ADAM18: variants seen among roughly 807,000 people sequenced by gnomAD.
ADAM18 encodes the protein ADAM metallopeptidase domain 18, also known as disintegrin and metalloproteinase domain-containing protein 18.
A neutral mutation model predicts 94.4 loss-of-function variants in ADAM18; 117 were observed. That is an observed-to-expected ratio of 1.24 (90% confidence interval 1.07 to 1.45). The LOEUF (loss-of-function observed/expected upper bound fraction) is 1.45. Among genes scored for constraint, ADAM18 ranks in the 40% most tolerant of loss-of-function variants. The probability of loss-of-function intolerance (pLI) is 0.00; values close to 1 mark genes in which losing one functional copy is unlikely to be tolerated. For synonymous variants in ADAM18, 327 were observed against 291.6 expected (o/e 1.12, Z -1.24); for missense variants, 936 against 880.0 (o/e 1.06, Z -0.81).
Position 39,648,472 on chromosome 8 carries a change from T to C in ADAM18, c.1175T>C (p.Val392Ala). The C allele has an allele frequency of 6.2e-7, 1 of 1,612,838 alleles. No homozygotes were observed. Among genetic ancestry groups the C allele is most frequent in the Non-Finnish European group, 8.5e-7 (1 of 1,179,434 alleles). Residue 392 changes from valine to alanine, a missense_variant, in exon 12 of 20, where the codon GTG becomes GCG. Physicochemically the swap from Val to Ala is moderately conservative, Grantham distance 64. Coordinates refer to ENST00000265707, the MANE Select transcript of ADAM18 (RefSeq NM_014237.3). ...CAACCATTACATCAAAATCAACCAG[T>C]GTGTGGTAATGGGATTTTGGAATCC... is the stretch of plus-strand genomic sequence containing the variant. The part of the protein sequence containing the change: ...NLQPLHQNQP[V>A]CGNGILESNE...
intron 12 of ADAM18, among the ~76,000 whole-genome samples, chr8:39,651,918 A>G (rs374759803): frequency 1.2e-4 from 17 of 147,578 alleles, no homozygotes; most frequent in East Asian, 5.9e-4. Context: ...TCAATGAAAC[A>G]AAGAGCCCAA....
At chr8:39,677,367 G>A in intron 14 of ADAM18, 64 bp from the exon 15 acceptor site, 1 of 1,330,034 alleles carries the variant, frequency 7.5e-7, no homozygotes. Context: ...TCCTTAGTCT[G>A]TTACTGACAA....
At chr8:39,711,242 T>G (rs1037319162) in intron 18 of ADAM18, among the ~76,000 whole-genome samples, 3 of 152,116 alleles carry the variant, frequency 2.0e-5, no homozygotes, top group African/African-American at 7.2e-5. Context: ...ATGAACTAAT[T>G]AAGTCTTCAA....
At chr8:39,607,755 T>A (rs1819133268) in intron 3 of ADAM18, among the ~76,000 whole-genome samples, 1 of 151,034 alleles carries the variant, frequency 6.6e-6, no homozygotes, top group South Asian at 2.1e-4. Context: ...TTTTTTTTTT[T>A]AATTCTTTCT....
rs77555060 is a variant in ADAM18, at chr8:39,725,177, C to T, written c.2177+1270C>T. Among the ~76,000 whole-genome samples the T allele has an allele frequency of 7.6e-3, 1,154 of 151,892 alleles. 20 individuals carry two copies. Among genetic ancestry groups the T allele is most frequent in the African/African-American group, 0.026 (1,068 of 41,442 alleles). ...ATTCTATCAGTTTTATACCACTTCA[C>T]GGAAGTATAATTGATATACAAATAC... is the stretch of plus-strand genomic sequence containing the variant. On this transcript the variant is annotated intron_variant, in intron 19 of 19. Transcript: ENST00000265707.
At chr8:39,601,622 T>G (rs1818906319) in intron 2 of ADAM18, among the ~76,000 whole-genome samples, 1 of 152,220 alleles carries the variant, frequency 6.6e-6, no homozygotes, top group African/African-American at 2.4e-5. Flanking sequence ...TAATTGGGTC[T>G]TGGTTTTTTA....
chr8:39,705,748 CA>C (rs1822223062), intron 17 of ADAM18, among the ~76,000 whole-genome samples: 2 of 151,994 alleles, frequency 1.3e-5, no homozygotes, highest in South Asian at 4.1e-4. Context: ...ACTATATAAA[CA>C]ATTTAGCAAA....
intron 16 of ADAM18, among the ~76,000 whole-genome samples, chr8:39,690,924 A>G (rs1322308486): frequency 6.6e-6 from 1 of 152,220 alleles, no homozygotes; most frequent in Non-Finnish European, 1.5e-5. Context: ...TTGTGAAACT[A>G]TTCACAATAG....
At chr8:39,707,275 T>C (rs528950343) in intron 18 of ADAM18, among the ~76,000 whole-genome samples, 1 of 152,336 alleles carries the variant, frequency 6.6e-6, no homozygotes, top group South Asian at 2.1e-4. Context: ...AGACACAGCC[T>C]CTCCAGCAAT....
chr8:39,679,138 T>C (rs1477701876), intron 15 of ADAM18, among the ~76,000 whole-genome samples: 1 of 152,324 alleles, frequency 6.6e-6, no homozygotes, highest in Admixed American at 6.5e-5. Context: ...CTCATTTCAA[T>C]CTTTACTTCT....
chr8:39,668,933 G>A (rs191060300), intron 14 of ADAM18, among the ~76,000 whole-genome samples: 10 of 151,998 alleles, frequency 6.6e-5, no homozygotes, highest in Non-Finnish European at 1.0e-4. Flanking sequence ...CTAATTATTT[G>A]AGTAATAAAT....
At chr8:39,645,685 C>T (rs1820358512) in intron 11 of ADAM18, among the ~76,000 whole-genome samples, 1 of 152,280 alleles carries the variant, frequency 6.6e-6, no homozygotes, top group East Asian at 1.9e-4. Flanking sequence ...ATACACATCA[C>T]TGACATCGCA....
chr8:39,623,309 T>C (rs997754733), intron 6 of ADAM18, among the ~76,000 whole-genome samples: 1 of 152,220 alleles, frequency 6.6e-6, no homozygotes, highest in African/African-American at 2.4e-5. Flanking sequence ...AGTAAACATA[T>C]GTGTGCAGAA....
intron 6 of ADAM18, among the ~76,000 whole-genome samples, chr8:39,614,041 T>C (rs1819360491): frequency 6.6e-6 from 1 of 152,188 alleles, no homozygotes; most frequent in African/African-American, 2.4e-5. Context: ...GCAAGCAACT[T>C]GGAAAACATA....
chr8:39,591,686 G>C (rs1648387665), intron 2 of ADAM18, among the ~76,000 whole-genome samples: 1 of 152,100 alleles, frequency 6.6e-6, no homozygotes, highest in Non-Finnish European at 1.5e-5. Context: ...AACTTTTTCT[G>C]AATTCCTGTT....
intron 18 of ADAM18, among the ~76,000 whole-genome samples, chr8:39,721,661 T>G (rs1822752950): frequency 6.6e-6 from 1 of 151,482 alleles, no homozygotes; most frequent in Admixed American, 6.6e-5. Flanking sequence ...TATGAAGAAA[T>G]GATCAGCATC....
intron 18 of ADAM18, among the ~76,000 whole-genome samples, chr8:39,722,211 GTGTGTGTATATATATATA>G (rs1822773701): frequency 1.4e-5 from 1 of 71,192 alleles, no homozygotes; most frequent in African/African-American, 9.5e-5. Flanking sequence ...GTGTGTGTGT[GTGTGTGTATATATATATA>G]TATATATATA....
intron 14 of ADAM18, among the ~76,000 whole-genome samples, chr8:39,676,775 T>C (rs1821314844): frequency 1.3e-5 from 2 of 152,236 alleles, no homozygotes; most frequent in Admixed American, 1.3e-4. Flanking sequence ...TCGGCCATTT[T>C]GGCAAGTGTA....
At chr8:39,616,268 C>T (rs548756105) in intron 6 of ADAM18, among the ~76,000 whole-genome samples, 115 of 151,920 alleles carry the variant, frequency 7.6e-4, no homozygotes, top group South Asian at 3.5e-3. Flanking sequence ...AGAGTGGTGG[C>T]GTGCACGTGT....
Sources: gnomAD v4.1 joint callset for allele counts (sites outside exome capture counted in the v4.1 genomes callset) on GRCh38, gnomAD v4.1.1 for gene constraint, MANE v1.5 for transcripts, NCBI Gene and HGNC (gene_info 2026-07-23, HGNC 2026-07-21) for gene names.